The following EXTL3 variants were observed in gnomAD, a reference collection of about 807,000 sequenced individuals.
The protein encoded by EXTL3 is exostosin-like 3.
In EXTL3, 27 loss-of-function variants were observed where a neutral mutation model predicts 69.3. That is an observed-to-expected ratio of 0.39 (90% confidence interval 0.29 to 0.54). The LOEUF is 0.54. Ranked by LOEUF, EXTL3 falls within the 20% of genes least tolerant of loss-of-function variation. EXTL3 has a pLI of 0.69. For missense variants in EXTL3, 1,003 were observed against 1,231.8 expected (o/e 0.81, Z 2.78); for synonymous variants, 511 against 499.4 (o/e 1.02, Z -0.31).
chr8:28,699,073 C>T (rs181266937), upstream of EXTL3, among the ~76,000 whole-genome samples: 283 of 152,230 alleles, frequency 1.9e-3, 1 homozygote, highest in African/African-American at 6.4e-3. Context: ...GAGGCTGAGG[C>T]GGGAGGAACA....
chr8:28,625,762 C>A (rs1806480351), intron 1 of EXTL3, among the ~76,000 whole-genome samples: 1 of 151,806 alleles, frequency 6.6e-6, no homozygotes. Flanking sequence ...TGCTATCGGA[C>A]CTCTGAAAAA....
intron 6 of EXTL3, 64 bp downstream of exon 6, chr8:28,743,278 G>A: frequency 6.3e-7 from 1 of 1,580,338 alleles, no homozygotes; most frequent in Middle Eastern, 1.8e-4. Context: ...TTTTGCAGTA[G>A]TGCAGCACGT....
At chr8:28,689,362 ACT>A (rs1563205105) in intron 1 of EXTL3, among the ~76,000 whole-genome samples, 1 of 151,950 alleles carries the variant, frequency 6.6e-6, no homozygotes, top group East Asian at 1.9e-4. Context: ...AGCCTCCCAC[ACT>A]GTTATTTGAG....
intron 5 of EXTL3, chr8:28,742,676 G>A (rs1801805021): frequency 3.1e-6 from 1 of 319,560 alleles, no homozygotes; most frequent in Admixed American, 4.7e-5. Flanking sequence ...GTGTTTCATG[G>A]TTCTGTGATT....
intron 1 of EXTL3, among the ~76,000 whole-genome samples, chr8:28,663,809 C>CT (rs921995486): frequency 9.2e-5 from 14 of 152,162 alleles, no homozygotes; most frequent in African/African-American, 3.4e-4. Context: ...ACAGCGTTCT[C>CT]AAACCTCCCC....
intron 5 of EXTL3, among the ~76,000 whole-genome samples, chr8:28,738,320 G>T (rs931550602): frequency 1.3e-5 from 2 of 152,158 alleles, no homozygotes; most frequent in Non-Finnish European, 2.9e-5. Context: ...GAATGGAGAC[G>T]TGCTGTTCAG....
At chr8:28,674,575 A>C (rs1179977723) in intron 1 of EXTL3, among the ~76,000 whole-genome samples, 1 of 152,176 alleles carries the variant, frequency 6.6e-6, no homozygotes, top group Non-Finnish European at 1.5e-5. Flanking sequence ...AAATTGCTGA[A>C]AGTCAAATGC....
At chr8:28,654,437 G>A (rs1465988964) in intron 1 of EXTL3, among the ~76,000 whole-genome samples, 4 of 152,036 alleles carry the variant, frequency 2.6e-5, no homozygotes, top group Non-Finnish European at 5.9e-5. Context: ...GGAGTACAGT[G>A]GCATCATCAT....
intron 1 of EXTL3, among the ~76,000 whole-genome samples, chr8:28,672,448 A>T (rs35254552): frequency 0.039 from 5,905 of 150,374 alleles, 191 homozygotes; most frequent in Admixed American, 0.11. Context: ...GAAAGAAAAA[A>T]AATAATATGG....
chr8:28,685,201 C>T (rs1032363936), intron 1 of EXTL3, among the ~76,000 whole-genome samples: 4 of 152,172 alleles, frequency 2.6e-5, no homozygotes, highest in Non-Finnish European at 4.4e-5. Context: ...CCACCCACCT[C>T]GGCCTCCCAA....
At chr8:28,723,589 T>G (rs765835105) in intron 3 of EXTL3, among the ~76,000 whole-genome samples, 1 of 152,028 alleles carries the variant, frequency 6.6e-6, no homozygotes, top group Non-Finnish European at 1.5e-5. Context: ...ATTCTGTTGC[T>G]TCAGGTCACT....
chr8:28,716,529 T>G lies in EXTL3; in HGVS notation c.470T>G (p.Ile157Ser). 1 of 1,614,032 alleles carries G rather than the reference T, an allele frequency of 6.2e-7. No individual in the cohort carries two copies. The highest frequency in any genetic ancestry group is 8.5e-7 in the Non-Finnish European group (1 of 1,180,028). The change falls in exon 3 of 7, where the codon ATC becomes AGC. Residue 157 changes from isoleucine to serine, a missense_variant. By Grantham distance (142) the Ile-to-Ser change is moderately radical. Transcript: ENST00000220562. The surrounding 1 kb of genome is among the most constrained non-coding windows in gnomAD (Gnocchi z 7.1). ...AQNQPKLSLP[I>S]RLLPEKDDAG... ...AACCAGCCCAAGCTGTCCCTGCCCATCCGACTGCTCCCAGAGAAGGACGAT... is the reference window on the plus strand; with the variant it reads ...AACCAGCCCAAGCTGTCCCTGCCCAGCCGACTGCTCCCAGAGAAGGACGAT...
intron 1 of EXTL3, among the ~76,000 whole-genome samples, chr8:28,678,717 G>C (rs1459859925): frequency 6.6e-6 from 1 of 152,158 alleles, no homozygotes; most frequent in African/African-American, 2.4e-5. Context: ...GACTAAGACA[G>C]ATGCCATCGC....
intron 1 of EXTL3, among the ~76,000 whole-genome samples, chr8:28,646,815 A>C (rs566433515): frequency 6.6e-6 from 1 of 152,346 alleles, no homozygotes; most frequent in East Asian, 1.9e-4. Flanking sequence ...GTATGAATAC[A>C]TAATTGTTGT....
chr8:28,719,171 A>G (rs1396192619), intron 3 of EXTL3, among the ~76,000 whole-genome samples: 3 of 152,336 alleles, frequency 2.0e-5, no homozygotes, highest in African/African-American at 7.2e-5. Context: ...ATTCATTTGA[A>G]TTATTTTTCT....
intron 1 of EXTL3, among the ~76,000 whole-genome samples, chr8:28,659,645 G>A (rs1187744451): frequency 1.3e-5 from 2 of 152,154 alleles, no homozygotes; most frequent in South Asian, 2.1e-4. Flanking sequence ...CCCCAGGGTC[G>A]CCCCAACATC....
upstream of EXTL3, among the ~76,000 whole-genome samples, chr8:28,699,267 A>C (rs1800734770): frequency 6.6e-6 from 1 of 152,198 alleles, no homozygotes; most frequent in South Asian, 2.1e-4. Context: ...GCTGTAAAGG[A>C]CCAGCTTGCA....
chr8:28,733,692 T>C (rs1169124103), intron 4 of EXTL3, among the ~76,000 whole-genome samples: 1 of 151,634 alleles, frequency 6.6e-6, no homozygotes, highest in African/African-American at 2.4e-5. Flanking sequence ...CATACAGTTG[T>C]GATTTGCATT....
At chr8:28,736,598 T>C (rs1173805478) in intron 4 of EXTL3, among the ~76,000 whole-genome samples, 4 of 152,228 alleles carry the variant, frequency 2.6e-5, no homozygotes, top group Non-Finnish European at 5.9e-5. Flanking sequence ...TCATCATACA[T>C]GTTTCTCCGT....
Sources: gnomAD v4.1 joint callset for allele counts (sites outside exome capture counted in the v4.1 genomes callset) on GRCh38, gnomAD v4.1.1 for gene constraint, Gnocchi (gnomAD v3.1) non-coding constraint, MANE v1.5 for transcripts, NCBI Gene and HGNC (gene_info 2026-07-23, HGNC 2026-07-21) for gene names.